Variants in ANXA10 observed in about 807,000 individuals in gnomAD.
The protein encoded by ANXA10 is annexin A10.
ANXA10 carries 49 observed loss-of-function variants against 53.5 expected under a neutral mutation model. That is an observed-to-expected ratio of 0.92 (90% confidence interval 0.73 to 1.16). The LOEUF is 1.16. Ranked by LOEUF, ANXA10 falls within the 50% of genes most tolerant of loss-of-function variation. The pLI is 0.00. For missense variants in ANXA10, 393 were observed against 394.4 expected (o/e 1.00, Z 0.03); for synonymous variants, 131 against 128.9 (o/e 1.02, Z -0.11).
intron 3 of ANXA10, among the ~76,000 whole-genome samples, chr4:168,160,579 C>T (rs1476602623): frequency 6.6e-6 from 1 of 151,972 alleles, no homozygotes; most frequent in African/African-American, 2.4e-5. Context: ...GGCATATAGC[C>T]AGTAATGAGA....
intron 3 of ANXA10, among the ~76,000 whole-genome samples, chr4:168,155,781 ATATATT>A (rs1731622845): frequency 3.9e-4 from 4 of 10,388 alleles, no homozygotes; most frequent in African/African-American, 3.4e-3. Context: ...ATCATATATT[ATATATT>A]ATATATAATA....
intron 1 of ANXA10, chr4:168,127,817 CTTTTTTTTTTTT>C (rs766782048): frequency 5.1e-4 from 76 of 148,988 alleles, no homozygotes; most frequent in African/African-American, 2.1e-3. Context: ...ATGTTGAAAC[CTTTTTTTTTTTT>C]TTTTTTTTTT....
At chr4:168,155,879 ATGT>A (rs1454132558) in intron 3 of ANXA10, among the ~76,000 whole-genome samples, 227 of 2,932 alleles carry the variant, frequency 0.077, 34 homozygotes, top group African/African-American at 0.19. Flanking sequence ...CATATATTAT[ATGT>A]TATATATAAT....
chr4:168,112,157 G>A (rs1049956346), intron 1 of ANXA10, among the ~76,000 whole-genome samples: 5 of 152,004 alleles, frequency 3.3e-5, no homozygotes, highest in Non-Finnish European at 7.4e-5. Flanking sequence ...TTAGCCGGGC[G>A]TGGTGGCATT....
intron 6 of ANXA10, among the ~76,000 whole-genome samples, chr4:168,173,248 G>C (rs1348311237): frequency 6.6e-6 from 1 of 152,180 alleles, no homozygotes. Context: ...AAAAGCTAAT[G>C]GGTATGAGGG....
chr4:168,160,034 G>A (rs765286853), intron 3 of ANXA10, among the ~76,000 whole-genome samples: 1 of 152,068 alleles, frequency 6.6e-6, no homozygotes, highest in Non-Finnish European at 1.5e-5. Context: ...AAAATAAATT[G>A]AGTATATATA....
chr4:168,152,712 T>A (rs1731518006), intron 3 of ANXA10, among the ~76,000 whole-genome samples: 1 of 150,228 alleles, frequency 6.7e-6, no homozygotes, highest in Non-Finnish European at 1.5e-5. Context: ...ATAAGTAAAT[T>A]ACATATATAT....
intron 1 of ANXA10, among the ~76,000 whole-genome samples, chr4:168,093,329 C>CT (rs758508185): frequency 1.1e-4 from 16 of 151,820 alleles, no homozygotes; most frequent in East Asian, 3.9e-4. Flanking sequence ...AAGATTTAGT[C>CT]TTTTTTTTGG....
intron 2 of ANXA10, among the ~76,000 whole-genome samples, chr4:168,131,756 C>T (rs1731159551): frequency 6.6e-6 from 1 of 151,864 alleles, no homozygotes; most frequent in Non-Finnish European, 1.5e-5. Context: ...CCTTTTATTC[C>T]TGATAATTTT....
In ANXA10 at chr4:168,141,939, G is replaced by A. The variant is rs181810622; in HGVS notation, c.195+2359G>A. Among the ~76,000 whole-genome samples the A allele has an allele frequency of 3.3e-5, 5 of 152,256 alleles. No individual in the cohort carries two copies. In the East Asian group the frequency reaches 9.7e-4, roughly 29 times the overall value. ...TTAGTCAGTGCGCATGCGTGGGCCA[G>A]GGGTTGGATACGAATTCTATCTAAT... On this transcript the variant is annotated intron_variant, in intron 3 of 11. Coordinates refer to ENST00000359299, the MANE Select transcript of ANXA10 (RefSeq NM_007193.5).
chr4:168,165,193 C>A, intron 5 of ANXA10, 54 bp from the exon 6 acceptor site: 2 of 1,196,952 alleles, frequency 1.7e-6, no homozygotes, highest in Non-Finnish European at 2.4e-6. Context: ...ACTCAAAACA[C>A]ACTGATACAT....
chr4:168,101,962 A>G lies in ANXA10; in HGVS notation c.18+9244A>G, dbSNP rs144083702. ...GTTACTTCTTTCTCAGACAGTGAAAACTAAGACTATCAATATCTGAAACCT... is the reference window on the plus strand; with the variant it reads ...GTTACTTCTTTCTCAGACAGTGAAAGCTAAGACTATCAATATCTGAAACCT... On this transcript the variant is annotated intron_variant, in intron 1 of 11. Coordinates refer to ENST00000359299, the MANE Select transcript of ANXA10 (RefSeq NM_007193.5). Among the ~76,000 whole-genome samples, 51 of 152,246 alleles carry G rather than the reference A, an allele frequency of 3.3e-4. No homozygotes were observed. The East Asian group carries it at 9.5e-3, about 28-fold the overall frequency.
chr4:168,113,057 GTC>G (rs764547328), intron 1 of ANXA10, among the ~76,000 whole-genome samples: 6 of 151,972 alleles, frequency 3.9e-5, no homozygotes, highest in Non-Finnish European at 8.8e-5. Flanking sequence ...AAAGAAATCA[GTC>G]TCTCTGAATC....
At chr4:168,136,876 G>C (rs1335630916) in intron 2 of ANXA10, among the ~76,000 whole-genome samples, 1 of 152,212 alleles carries the variant, frequency 6.6e-6, no homozygotes, top group Non-Finnish European at 1.5e-5. Flanking sequence ...TGCTTCTGCA[G>C]CAGATGTCTG....
At chr4:168,112,310 G>A (rs1390138215) in intron 1 of ANXA10, among the ~76,000 whole-genome samples, 2 of 151,942 alleles carry the variant, frequency 1.3e-5, no homozygotes, top group African/African-American at 4.8e-5. Context: ...GTGGCGGGCT[G>A]GGGGGAAGGC....
chr4:168,092,582 A>G lies in ANXA10; in HGVS notation c.-119A>G. 1.0e-6 allele frequency: 1 copy of G among 1,000,066 alleles called. No individual in the cohort carries two copies. The highest frequency in any genetic ancestry group is 1.5e-6 in the Non-Finnish European group (1 of 661,744). 61.9% of individuals were successfully genotyped at this position (1,000,066 alleles called of 1,614,324 possible). A position where few individuals can be genotyped will look rare whatever the true frequency, so the allele number is the denominator to read the frequency against. On this transcript the variant is annotated 5_prime_UTR_variant, in exon 1 of 12. Transcript: ENST00000359299. ...TTTCTTGCCTGAGTCTGAGGTGAAC[A>G]GTGAACATATTTACATTTGATTTAA...
At chr4:168,132,567 G>C (rs1037729176) in intron 2 of ANXA10, among the ~76,000 whole-genome samples, 5 of 152,036 alleles carry the variant, frequency 3.3e-5, no homozygotes, top group Admixed American at 2.6e-4. Context: ...CTATTTGATA[G>C]CACAACAGGG....
chr4:168,145,821 T>TA (rs1262649793), intron 3 of ANXA10, among the ~76,000 whole-genome samples: 1 of 152,148 alleles, frequency 6.6e-6, no homozygotes, highest in Non-Finnish European at 1.5e-5. Flanking sequence ...GTCAAGAAGA[T>TA]AGAGTCAGAA....
intron 2 of ANXA10, among the ~76,000 whole-genome samples, chr4:168,133,294 T>C (rs116751838): frequency 1.8e-4 from 28 of 152,134 alleles, no homozygotes; most frequent in African/African-American, 6.5e-4. Flanking sequence ...GTTAATGAAT[T>C]AATAAAATAA....
Sources: gnomAD v4.1 joint callset for allele counts (sites outside exome capture counted in the v4.1 genomes callset) on GRCh38, gnomAD v4.1.1 for gene constraint, MANE v1.5 for transcripts, NCBI Gene and HGNC (gene_info 2026-07-23, HGNC 2026-07-21) for gene names.